The following COL7A1 variants were observed in gnomAD, a reference collection of about 807,000 sequenced individuals.
COL7A1 encodes collagen alpha-1(VII) chain.
COL7A1 carries 296 observed loss-of-function variants against 456.2 expected under a neutral mutation model. That is an observed-to-expected ratio of 0.65 (90% CI 0.59 to 0.71). The LOEUF is 0.71. Ranked by LOEUF, COL7A1 falls within the 30% of genes least tolerant of loss-of-function variation. COL7A1 has a pLI of 0.00. For missense variants in COL7A1, 3,441 were observed against 4,017.2 expected, an observed-to-expected ratio of 0.86 and a Z score of 3.88; for synonymous variants, 1,464 against 1,525.9, an observed-to-expected ratio of 0.96 and a Z score of 0.95.
Position 48,590,092 on chromosome 3 carries a change from G to A in COL7A1, c.2050+121C>T. On this transcript the variant is annotated intron_variant, in intron 16 of 118. Transcript: ENST00000681320. This position sits in a 1 kb window ranked among gnomAD's most constrained non-coding sequence, Gnocchi z 4.6. Reference sequence around the variant, plus strand: ...GAAGCAGCGTCTCTGAGGGAGGAGGGAGTGGGATTCTGAAGGGGGAGGCAG... The same window carrying A: ...GAAGCAGCGTCTCTGAGGGAGGAGGAAGTGGGATTCTGAAGGGGGAGGCAG... 9.3e-7 allele frequency: 1 copy of A among 1,075,038 alleles called. No homozygotes were observed. The highest frequency in any genetic ancestry group is 1.5e-5 in the South Asian group (1 of 67,302). 66.6% of individuals were successfully genotyped at this position (1,075,038 alleles called of 1,614,324 possible).
intron 44 of COL7A1, 78 bp downstream of exon 44, chr3:48,582,935 G>C (rs1478848009): frequency 1.9e-6 from 3 of 1,601,542 alleles, no homozygotes; most frequent in Non-Finnish European, 2.6e-6. Context: ...GGGGTAGCAG[G>C]GGTCAAGGGC....
chr3:48,567,078 C>T lies in COL7A1; in HGVS notation c.8109+50G>A, dbSNP rs769229774. 1 of 1,613,578 alleles carries T rather than the reference C, an allele frequency of 6.2e-7. No individual in the cohort carries two copies. The highest frequency in any genetic ancestry group is 8.5e-7 in the Non-Finnish European group (1 of 1,179,622). ...CAGAGGCCCCAGAGATGGACCCTCT[C>T]CCAAAGTGCACGCTCCCCTCAATTC... On this transcript the variant is annotated intron_variant, in intron 110 of 118. Transcript: ENST00000681320. This position sits in a 1 kb window ranked among gnomAD's most constrained non-coding sequence, Gnocchi z 4.3.
In COL7A1 at chr3:48,592,883, T is replaced by C; in HGVS notation, c.738A>G (p.Gln246=). The C allele has an allele frequency of 6.2e-7, 1 of 1,614,014 alleles. No individual in the cohort carries two copies. Among genetic ancestry groups the C allele is most frequent in the East Asian group, 2.2e-5 (1 of 44,886 alleles). Residue 246 remains glutamine (Q), a synonymous_variant, in exon 7 of 119, where the codon CAA becomes CAG. Transcript: ENST00000681320. This position sits in a 1 kb window ranked among gnomAD's most constrained non-coding sequence, Gnocchi z 7.6. The stretch of plus-strand genomic sequence containing the variant: ...CCGCTGTCCACTGTACTCTCAAGGA[T>C]TGGCTGCTTGGCTCAGACAGCACCA... ...RDLVLSEPSS[Q]SLRVQWTAAS... is the part of the protein sequence containing the mutation.
rs762103468 is a variant in COL7A1 at position 48,590,419 on chromosome 3, T to C, written c.1906+40A>G. The C allele has an allele frequency of 2.3e-5, 37 of 1,613,950 alleles. No homozygotes were observed. The highest frequency in any genetic ancestry group is 2.7e-5 in the Non-Finnish European group (32 of 1,179,998). Reference sequence around the variant, plus strand: ...GTCCCCTCTGGCACCCATACCCTCATTGGTCCCTTTGGCAGTCCCCCCACA... The same window carrying C: ...GTCCCCTCTGGCACCCATACCCTCACTGGTCCCTTTGGCAGTCCCCCCACA... On this transcript the variant is annotated intron_variant, in intron 15 of 118. Transcript: ENST00000681320. This position sits in a 1 kb window ranked among gnomAD's most constrained non-coding sequence, Gnocchi z 4.6.
Position 48,567,130 on chromosome 3 carries a change from G to A in COL7A1, c.8107C>T (p.Arg2703Trp), listed in dbSNP as rs759039839. Residue 2703 changes from arginine to tryptophan, a missense_variant and splice_region_variant, in exon 110 of 119, where the codon CGG becomes TGG. By Grantham distance (101) the Arg-to-Trp change is moderately radical. Around this residue, in one of 3 missense-constraint regions of COL7A1, gnomAD observed 2,084 missense variants for 2,501.3 expected, o/e 0.83. Coordinates refer to ENST00000681320, the MANE Select transcript of COL7A1 (RefSeq NM_000094.4). This position sits in a 1 kb window ranked among gnomAD's most constrained non-coding sequence, Gnocchi z 4.3. ...CCATGACCATGGCTTCAACTCACCC[G>A]CTCCCCTTTCTCGCCCTGGTCACCC... The part of the protein sequence containing the change: ...PKGDQGEKGE[R>W]GTPGIGGFPG... 1.5e-5 allele frequency: 24 copies of A among 1,613,784 alleles called. No individual in the cohort carries two copies. Among genetic ancestry groups the A allele is most frequent in the Non-Finnish European group, 1.7e-5 (20 of 1,179,946 alleles).
chr3:48,569,967 G>A lies in COL7A1; in HGVS notation c.7486-52C>T, dbSNP rs777706512. ...TACAGGAACCAGGGCAGTGGAGGAC[G>A]GAGGAGGATCAGGGGGAGGAGGGAA... On this transcript the variant is annotated intron_variant, in intron 99 of 118. Coordinates refer to ENST00000681320, the MANE Select transcript of COL7A1 (RefSeq NM_000094.4). This position sits in a 1 kb window ranked among gnomAD's most constrained non-coding sequence, Gnocchi z 4.9. 2.4e-5 allele frequency: 39 copies of A among 1,611,906 alleles called. No homozygotes were observed. Among genetic ancestry groups the A allele is most frequent in the African/African-American group, 4.0e-5 (3 of 74,878 alleles).
In COL7A1 at chr3:48,568,095, G is replaced by T; in HGVS notation, c.7870C>A (p.Leu2624Ile). ...GDVGFMGPRG[L>I]KGERGVKGAC... is the part of the protein sequence containing the mutation. The stretch of plus-strand genomic sequence containing the variant: ...CAATCTTGTTTCTTTCCTACCTTGA[G>T]GCCCCGGGGACCCATGAAGCCAACA... The change falls in exon 106 of 119, where the codon CTC (leucine) becomes ATC (isoleucine). Residue 2624 changes from leucine to isoleucine, a missense_variant. Leu to Ile is a conservative substitution (Grantham distance 5). This residue lies in a region of COL7A1 where 2,084 missense variants were observed against 2,501.3 expected (regional missense o/e 0.83). Coordinates refer to ENST00000681320, the MANE Select transcript of COL7A1 (RefSeq NM_000094.4). The surrounding 1 kb of genome is among the most constrained non-coding windows in gnomAD (Gnocchi z 5.2). 6.2e-7 allele frequency: 1 copy of T among 1,614,190 alleles called. No homozygotes were observed.
At position 48,590,768 on chromosome 3, in the gene COL7A1, A is replaced by T; in HGVS notation, c.1685T>A (p.Leu562Ter). The T allele has an allele frequency of 1.2e-6, 2 of 1,613,978 alleles. No individual in the cohort carries two copies. Among genetic ancestry groups the T allele is most frequent in the South Asian group, 2.2e-5 (2 of 91,086 alleles). The change falls in exon 14 of 119, where the codon TTG becomes TAG. Residue 562 changes from leucine to a stop codon, truncating the protein, a stop_gained. Coordinates refer to ENST00000681320, the MANE Select transcript of COL7A1 (RefSeq NM_000094.4). LOFTEE classifies it high-confidence loss of function. The surrounding 1 kb of genome is among the most constrained non-coding windows in gnomAD (Gnocchi z 4.6). Reference protein sequence around the residue: ...VLPGSQTAFDLDDVQAGLSYT... With the variant: ...VLPGSQTAFD ...GCTAAGCCCAGCCTGAACGTCATCC[A>T]AGTCGAATGCTGTCTGACTCCCAGG...
chr3:48,588,891 G>T lies in COL7A1; in HGVS notation c.2419C>A (p.Leu807Met), dbSNP rs1481299273. 6.2e-7 allele frequency: 1 copy of T among 1,613,726 alleles called. No homozygotes were observed. Among genetic ancestry groups the T allele is most frequent in the Admixed American group, 1.7e-5 (1 of 60,032 alleles). Reference sequence around the variant, plus strand: ...ATACCTTCACTCCGGCCCCAGGCCAGTCTGTAAGCTGTGGCTCCAGTGACC... The same window carrying T: ...ATACCTTCACTCCGGCCCCAGGCCATTCTGTAAGCTGTGGCTCCAGTGACC... ...VGVTGATAYR[L>M]AWGRSEGGPM... Residue 807 changes from leucine to methionine, a missense_variant, in exon 19 of 119, where the codon CTG becomes ATG. Leu to Met is a conservative substitution (Grantham distance 15). This residue lies in a region of COL7A1 where 913 missense variants were observed against 1,088.2 expected (regional missense o/e 0.84). Transcript: ENST00000681320. The surrounding 1 kb of genome is among the most constrained non-coding windows in gnomAD (Gnocchi z 4.6).
Position 48,564,306 on chromosome 3 carries a change from C to T in COL7A1, c.*100G>A, listed in dbSNP as rs952278471. On this transcript the variant is annotated 3_prime_UTR_variant, in exon 119 of 119. Transcript: ENST00000681320. The surrounding 1 kb of genome is among the most constrained non-coding windows in gnomAD (Gnocchi z 6.0). ...TAACGGACGTGCACACGCACGCTCA[C>T]GTGCACACAAGCCTCTAGCACCAAG... 27 of 1,413,014 alleles carry T rather than the reference C, an allele frequency of 1.9e-5. No homozygotes were observed. Among genetic ancestry groups the T allele is most frequent in the South Asian group, 1.0e-4 (9 of 86,306 alleles). The allele number at this position is 1,413,014 out of a possible 1,614,324, so 87.5% of individuals were successfully genotyped here. A position where few individuals can be genotyped will look rare whatever the true frequency, so the allele number is the denominator to read the frequency against.
Position 48,570,371 on chromosome 3 carries a change from A to C in COL7A1, c.7381-37T>G, listed in dbSNP as rs1409301465. ...CAGGACACCGGGGATCAGTGAGGGG[A>C]ATCAGTGGGGGACGCAGGGTCATGG... On this transcript the variant is annotated intron_variant, in intron 97 of 118. Coordinates refer to ENST00000681320, the MANE Select transcript of COL7A1 (RefSeq NM_000094.4). This position sits in a 1 kb window ranked among gnomAD's most constrained non-coding sequence, Gnocchi z 5.5. 4 of 1,613,742 alleles carry C rather than the reference A, an allele frequency of 2.5e-6. No individual in the cohort carries two copies. The highest frequency in any genetic ancestry group is 3.4e-6 in the Non-Finnish European group (4 of 1,179,890).
chr3:48,587,634 G>A lies in COL7A1; in HGVS notation c.2858-80C>T, dbSNP rs1042820586. The A allele has an allele frequency of 2.3e-5, 37 of 1,607,510 alleles. No homozygotes were observed. The highest frequency in any genetic ancestry group is 1.9e-4 in the South Asian group (17 of 90,686). ...GGGAGAGATCTGAGATCCTGGGTCCGGTTTGTCTTATTGAAGCATCATGGG... is the reference window on the plus strand; with the variant it reads ...GGGAGAGATCTGAGATCCTGGGTCCAGTTTGTCTTATTGAAGCATCATGGG... On this transcript the variant is annotated intron_variant, in intron 22 of 118. Coordinates refer to ENST00000681320, the MANE Select transcript of COL7A1 (RefSeq NM_000094.4). This position sits in a 1 kb window ranked among gnomAD's most constrained non-coding sequence, Gnocchi z 6.1.
At position 48,587,143 on chromosome 3, in the gene COL7A1, GC is replaced by G. The variant is rs779671625; in HGVS notation, c.3140-36del. The G allele has an allele frequency of 2.5e-6, 4 of 1,613,518 alleles. No homozygotes were observed. In the East Asian group the frequency reaches 8.9e-5, roughly 36 times the overall value. Reference sequence around the variant, plus strand: ...GGGGAACAAGTTACTGAAGCGGGCAGCCCACCCAGACACACCTTTCTGCCCT... The same window carrying G: ...GGGGAACAAGTTACTGAAGCGGGCAGCCACCCAGACACACCTTTCTGCCCT... On this transcript the variant is annotated intron_variant, in intron 24 of 118. Coordinates refer to ENST00000681320, the MANE Select transcript of COL7A1 (RefSeq NM_000094.4). The surrounding 1 kb of genome is among the most constrained non-coding windows in gnomAD (Gnocchi z 6.1).
At position 48,581,346 on chromosome 3, in the gene COL7A1, G is replaced by A; in HGVS notation, c.4819-6C>T. On this transcript the variant is annotated splice_region_variant and splice_polypyrimidine_tract_variant and intron_variant, in intron 51 of 118. Coordinates refer to ENST00000681320, the MANE Select transcript of COL7A1 (RefSeq NM_000094.4). The surrounding 1 kb of genome is among the most constrained non-coding windows in gnomAD (Gnocchi z 5.8). ...CCAGGAGGCCCTGAGTCACCCTGTG[G>A]AGGAGGCAAGAGGGAGGTGATGCAG... The A allele has an allele frequency of 6.2e-7, 1 of 1,613,724 alleles. No individual in the cohort carries two copies. The highest frequency in any genetic ancestry group is 8.5e-7 in the Non-Finnish European group (1 of 1,179,988).
In COL7A1 at chr3:48,593,703, G is replaced by A. The variant is rs2045873231; in HGVS notation, c.267-7C>T. Reference sequence around the variant, plus strand: ...ATCCAGGCCGAACTCTGTCCTGTTGGAGGGTAGGGGTGGCAACAGGCTAGG... The same window carrying A: ...ATCCAGGCCGAACTCTGTCCTGTTGAAGGGTAGGGGTGGCAACAGGCTAGG... On this transcript the variant is annotated splice_polypyrimidine_tract_variant and splice_region_variant and intron_variant, in intron 3 of 118. Coordinates refer to ENST00000681320, the MANE Select transcript of COL7A1 (RefSeq NM_000094.4). This position sits in a 1 kb window ranked among gnomAD's most constrained non-coding sequence, Gnocchi z 4.4. 6.2e-7 allele frequency: 1 copy of A among 1,614,214 alleles called. No homozygotes were observed. Among genetic ancestry groups the A allele is most frequent in the Non-Finnish European group, 8.5e-7 (1 of 1,180,028 alleles).
Position 48,571,218 on chromosome 3 carries a change from C to T in COL7A1, c.7104+25G>A. On this transcript the variant is annotated intron_variant, in intron 93 of 118. Coordinates refer to ENST00000681320, the MANE Select transcript of COL7A1 (RefSeq NM_000094.4). The surrounding 1 kb of genome is among the most constrained non-coding windows in gnomAD (Gnocchi z 4.6). ...GGGAGTCTCACGACCAGGACCCCAG[C>T]AGGGACCCTTCTGGGTACACATACC... 6.2e-7 allele frequency: 1 copy of T among 1,614,072 alleles called. No homozygotes were observed. The highest frequency in any genetic ancestry group is 8.5e-7 in the Non-Finnish European group (1 of 1,179,972).
Position 48,568,566 on chromosome 3 carries a change from G to A in COL7A1, c.7759-32C>T. ...GAAACACAGATGGGGGAGCCCTTCAGTGGGACTGTCCCCAACACTGGCCCA... is the reference window on the plus strand; with the variant it reads ...GAAACACAGATGGGGGAGCCCTTCAATGGGACTGTCCCCAACACTGGCCCA... On this transcript the variant is annotated intron_variant, in intron 104 of 118. Coordinates refer to ENST00000681320, the MANE Select transcript of COL7A1 (RefSeq NM_000094.4). This position sits in a 1 kb window ranked among gnomAD's most constrained non-coding sequence, Gnocchi z 5.2. 1 of 1,602,558 alleles carries A rather than the reference G, an allele frequency of 6.2e-7. No homozygotes were observed. Among genetic ancestry groups the A allele is most frequent in the South Asian group, 1.1e-5 (1 of 89,990 alleles).
chr3:48,582,030 T>C, intron 47 of COL7A1, 87 bp from the exon 48 acceptor site: 6 of 1,581,340 alleles, frequency 3.8e-6, no homozygotes, highest in Non-Finnish European at 5.2e-6. Flanking sequence ...CACATGGAAT[T>C]GGAAGTCATA....
Position 48,585,109 on chromosome 3 carries a change from G to A in COL7A1, c.3902C>T (p.Pro1301Leu). ...GCTGCCTGGACGCCCATCTGCTCCA[G>A]GGAAGCCCTGAGGAGGTGAAGAGGT... ...SATAKGERGF[P>L]GADGRPGSPG... The change falls in exon 33 of 119, where the codon CCT becomes CTT. Residue 1301 changes from proline to leucine, a missense_variant. This residue lies in a region of COL7A1 where 2,084 missense variants were observed against 2,501.3 expected (regional missense o/e 0.83). Transcript: ENST00000681320. The surrounding 1 kb of genome is among the most constrained non-coding windows in gnomAD (Gnocchi z 4.5). 1 of 1,611,364 alleles carries A rather than the reference G, an allele frequency of 6.2e-7. No homozygotes were observed. Among genetic ancestry groups the A allele is most frequent in the Non-Finnish European group, 8.5e-7 (1 of 1,179,798 alleles).
Sources: allele counts gnomAD v4.1 joint callset, GRCh38; gene constraint gnomAD v4.1.1; regional missense constraint gnomAD v4.1.1; non-coding constraint Gnocchi (gnomAD v3.1); transcripts MANE v1.5; gene names NCBI Gene and HGNC (gene_info 2026-07-23, HGNC 2026-07-21).